PACRG: variants seen among roughly 807,000 people sequenced by gnomAD.
The protein encoded by PACRG is parkin coregulated, also known as parkin coregulated gene protein.
In PACRG, 29 loss-of-function variants were observed where a neutral mutation model predicts 29.7. That is an observed-to-expected ratio of 0.98 (90% CI 0.73 to 1.33). The LOEUF is 1.33. Ranked by LOEUF, PACRG falls within the 40% of genes most tolerant of loss-of-function variation. The probability of loss-of-function intolerance (pLI) is 0.00; values close to 1 mark genes in which losing one functional copy is unlikely to be tolerated. For missense variants in PACRG, 279 were observed against 316.2 expected, an observed-to-expected ratio of 0.88 and a Z score of 0.89; for synonymous variants, 116 against 118.7, an observed-to-expected ratio of 0.98 and a Z score of 0.15.
intron 2 of PACRG, among the ~76,000 whole-genome samples, chr6:163,023,520 G>A (rs57620431): frequency 6.6e-6 from 1 of 152,180 alleles, no homozygotes; most frequent in Non-Finnish European, 1.5e-5. Flanking sequence ...ATTGTGAATA[G>A]TGCAGTGATG....
chr6:163,214,521 T>C (rs892163685), intron 4 of PACRG, among the ~76,000 whole-genome samples: 2 of 152,058 alleles, frequency 1.3e-5, no homozygotes, highest in African/African-American at 4.8e-5. Context: ...AAGTTTTCTT[T>C]ATATAAATTT....
chr6:162,960,673 T>C (rs576323331), intron 2 of PACRG, among the ~76,000 whole-genome samples: 2 of 152,332 alleles, frequency 1.3e-5, no homozygotes, highest in African/African-American at 4.8e-5. Flanking sequence ...ACTACCTGGA[T>C]GCAATATATT....
At chr6:162,971,394 C>G (rs1404654860) in intron 2 of PACRG, among the ~76,000 whole-genome samples, 1 of 152,156 alleles carries the variant, frequency 6.6e-6, no homozygotes, top group Non-Finnish European at 1.5e-5. Flanking sequence ...ATGTGTCAGC[C>G]TCTTACAACC....
At chr6:162,969,368 T>G (rs1407522350) in intron 2 of PACRG, among the ~76,000 whole-genome samples, 1 of 152,056 alleles carries the variant, frequency 6.6e-6, no homozygotes, top group Non-Finnish European at 1.5e-5. Context: ...CCTCTCTCTC[T>G]CCTGTCCACT....
chr6:163,236,226 C>A (rs941367348), intron 4 of PACRG, among the ~76,000 whole-genome samples: 3 of 152,130 alleles, frequency 2.0e-5, no homozygotes, highest in Non-Finnish European at 4.4e-5. Context: ...TTCTTCAAAC[C>A]AAAATGTAGT....
chr6:163,278,626 C>G (rs1390280974), intron 4 of PACRG, among the ~76,000 whole-genome samples: 2 of 152,098 alleles, frequency 1.3e-5, no homozygotes, highest in African/African-American at 4.8e-5. Context: ...TTTGCTTTGT[C>G]AAAGATCAGT....
intron 2 of PACRG, among the ~76,000 whole-genome samples, chr6:162,870,154 G>A (rs963575393): frequency 1.3e-5 from 2 of 152,162 alleles, no homozygotes; most frequent in Non-Finnish European, 2.9e-5. Flanking sequence ...TCACTATTAT[G>A]TGTCCCTGCG....
chr6:163,105,154 A>G (rs1815312456), intron 4 of PACRG, among the ~76,000 whole-genome samples: 1 of 152,146 alleles, frequency 6.6e-6, no homozygotes, highest in African/African-American at 2.4e-5. Flanking sequence ...TTGCAAATAA[A>G]ACCTTTCCTG....
chr6:162,772,404 A>AC (rs1783292499), intron 1 of PACRG, among the ~76,000 whole-genome samples: 1 of 152,238 alleles, frequency 6.6e-6, no homozygotes, highest in Non-Finnish European at 1.5e-5. Context: ...CCTCTAACAC[A>AC]AAGAGAAAGA....
At chr6:163,094,702 A>G (rs976172545) in intron 4 of PACRG, among the ~76,000 whole-genome samples, 2 of 152,200 alleles carry the variant, frequency 1.3e-5, no homozygotes, top group Non-Finnish European at 2.9e-5. Flanking sequence ...AACTCAGCCT[A>G]CGCAACCAGT....
intron 4 of PACRG, among the ~76,000 whole-genome samples, chr6:163,105,895 G>T (rs922368105): frequency 1.3e-4 from 20 of 152,218 alleles, no homozygotes; most frequent in African/African-American, 4.8e-4. Context: ...CACATTGCTG[G>T]AGTAGAGATT....
chr6:163,169,434 G>A (rs942748119), intron 4 of PACRG, among the ~76,000 whole-genome samples: 2 of 152,200 alleles, frequency 1.3e-5, no homozygotes, highest in Non-Finnish European at 2.9e-5. Flanking sequence ...CAACTGTGGG[G>A]CGAAAGAACA....
At chr6:162,924,488 C>CT (rs1797287860) in intron 2 of PACRG, among the ~76,000 whole-genome samples, 1 of 151,998 alleles carries the variant, frequency 6.6e-6, no homozygotes, top group African/African-American at 2.4e-5. Flanking sequence ...AAAGATTTCT[C>CT]TTTTTTCCTT....
intron 4 of PACRG, among the ~76,000 whole-genome samples, chr6:163,303,535 A>C (rs1785082612): frequency 6.6e-6 from 1 of 151,902 alleles, no homozygotes; most frequent in East Asian, 1.9e-4. Context: ...AGGTTTTATC[A>C]CTCCTGAGGG....
chr6:162,727,523 G>C (rs1042482259), upstream of PACRG: 1 of 959,392 alleles, frequency 1.0e-6, no homozygotes. Context: ...CCGGCGGCGC[G>C]GGCCGGGGAC....
chr6:163,126,203 G>A (rs1585245071), intron 4 of PACRG, among the ~76,000 whole-genome samples: 1 of 152,344 alleles, frequency 6.6e-6, no homozygotes, highest in Non-Finnish European at 1.5e-5. Flanking sequence ...TATGCCAAAT[G>A]ACGCTTTCAT....
chr6:162,901,521 AT>A (rs1399559934), intron 2 of PACRG, among the ~76,000 whole-genome samples: 1 of 152,196 alleles, frequency 6.6e-6, no homozygotes. Flanking sequence ...AATGGACTCG[AT>A]TGTTTAGCTG....
chr6:163,264,869 G>A (rs531204031), intron 4 of PACRG, among the ~76,000 whole-genome samples: 2 of 152,262 alleles, frequency 1.3e-5, no homozygotes, highest in South Asian at 2.1e-4. Context: ...CGAGTCTTTC[G>A]CAAGTATGTA....
chr6:162,805,885 C>G (rs1786278846), intron 1 of PACRG, among the ~76,000 whole-genome samples: 2 of 152,154 alleles, frequency 1.3e-5, no homozygotes, highest in Non-Finnish European at 2.9e-5. Context: ...TCCAGTTACT[C>G]CACTGCAGTC....
Sources: allele counts gnomAD v4.1 joint callset (sites outside exome capture counted in the v4.1 genomes callset), GRCh38; gene constraint gnomAD v4.1.1; transcripts MANE v1.5; gene names NCBI Gene and HGNC (gene_info 2026-07-23, HGNC 2026-07-21).